The following ST3GAL5 variants were observed in gnomAD, a reference collection of about 807,000 sequenced individuals.
ST3GAL5 encodes ST3 beta-galactoside alpha-2,3-sialyltransferase 5, also known as lactosylceramide alpha-2,3-sialyltransferase.
A neutral mutation model predicts 46.1 loss-of-function variants in ST3GAL5; 25 were observed. The ratio of observed to expected loss-of-function variants is 0.54; its 90% confidence interval spans 0.40 to 0.76. The LOEUF is 0.76. Ranked by LOEUF, ST3GAL5 falls within the 30% of genes least tolerant of loss-of-function variation. The pLI is 0.00. For missense variants in ST3GAL5, 431 were observed against 521.2 expected (o/e 0.83, Z 1.69); for synonymous variants, 182 against 192.7 (o/e 0.94, Z 0.46).
chr2:85,850,604 T>G (rs1370899591), intron 3 of ST3GAL5: 1 of 152,262 alleles, frequency 6.6e-6, no homozygotes, highest in Non-Finnish European at 1.5e-5. Flanking sequence ...CTCAAAACCC[T>G]AGGCCCGAAG....
chr2:85,881,120 T>G (rs1363493622), intron 1 of ST3GAL5, among the ~76,000 whole-genome samples: 1 of 152,232 alleles, frequency 6.6e-6, no homozygotes, highest in Non-Finnish European at 1.5e-5. Context: ...TTATCAGGGG[T>G]TTCTGCTTTT....
intron 3 of ST3GAL5, 115 bp from the exon 4 acceptor site, chr2:85,848,319 T>A: frequency 6.2e-7 from 1 of 1,606,068 alleles, no homozygotes; most frequent in Non-Finnish European, 8.5e-7. Context: ...TTGATTACTG[T>A]CTTTTAACAC....
chr2:85,889,021 A>C (rs1688101225), upstream of ST3GAL5: 1 of 748,590 alleles, frequency 1.3e-6, no homozygotes, highest in African/African-American at 1.9e-5. Context: ...TCAGATGCGG[A>C]GGAGGGGCGC....
chr2:85,869,830 C>G (rs1685718300), intron 1 of ST3GAL5, among the ~76,000 whole-genome samples: 1 of 152,146 alleles, frequency 6.6e-6, no homozygotes, highest in South Asian at 2.1e-4. Context: ...AGAGGCCCCT[C>G]CCTTCAGAAG....
At chr2:85,847,156 A>G (rs1160781832) in intron 4 of ST3GAL5, among the ~76,000 whole-genome samples, 1 of 152,186 alleles carries the variant, frequency 6.6e-6, no homozygotes, top group East Asian at 1.9e-4. Context: ...ATTGGCTATC[A>G]TGGTGAGTCT....
chr2:85,845,074 C>T (rs574656858), intron 5 of ST3GAL5: 48 of 210,412 alleles, frequency 2.3e-4, no homozygotes, highest in Admixed American at 4.7e-4. Context: ...ATGGAGTTTA[C>T]GTGAAAAGTT....
chr2:85,846,507 A>T lies in ST3GAL5; in HGVS notation c.719T>A (p.Ile240Lys), dbSNP rs746167660. The change falls in exon 5 of 7, where the codon ATA becomes AAA. Residue 240 changes from isoleucine (I) to lysine (K), a missense_variant. Physicochemically the swap from Ile to Lys is moderately radical, Grantham distance 102 (BLOSUM62 -3). Coordinates refer to ENST00000638572, the MANE Select transcript of ST3GAL5 (RefSeq NM_003896.4). ...TGCGCCCTCTGGATAAGTCATCCTT[A>T]TAGTAGTTTTATTTCCAACATGTTC... ...YSEHVGNKTTIRMTYPEGAPL... is the reference protein window; with the variant it reads ...YSEHVGNKTTKRMTYPEGAPL... 16 of 1,614,096 alleles carry T rather than the reference A, an allele frequency of 9.9e-6. No homozygotes were observed. The highest frequency in any genetic ancestry group is 1.3e-5 in the African/African-American group (1 of 74,934).
At chr2:85,869,988 C>T (rs1477231817) in intron 1 of ST3GAL5, 4 of 345,922 alleles carry the variant, frequency 1.2e-5, no homozygotes, top group South Asian at 2.3e-5. Flanking sequence ...GTTAAGCAAA[C>T]GAGACCCTCT....
intron 3 of ST3GAL5, chr2:85,856,303 A>T (rs1226805794): frequency 6.6e-6 from 1 of 152,208 alleles, no homozygotes; most frequent in Non-Finnish European, 1.5e-5. Flanking sequence ...GTACCTTCAA[A>T]ACATTATCCT....
At chr2:85,875,005 GAACA>G (rs1440618333) in intron 1 of ST3GAL5, among the ~76,000 whole-genome samples, 2 of 152,056 alleles carry the variant, frequency 1.3e-5, no homozygotes, top group African/African-American at 4.8e-5. Context: ...GAGGCTAGGG[GAACA>G]ATATAAAATG....
At chr2:85,847,428 T>G in intron 4 of ST3GAL5, 1 of 1,010,938 alleles carries the variant, frequency 9.9e-7, no homozygotes, top group Non-Finnish European at 1.2e-6. Context: ...TATGACAGTT[T>G]GGAGCATCCA....
chr2:85,856,510 G>A (rs1292321361), intron 3 of ST3GAL5: 2 of 152,140 alleles, frequency 1.3e-5, no homozygotes, highest in Non-Finnish European at 2.9e-5. Context: ...TCATGGTGAT[G>A]GTTGCACAGT....
At chr2:85,867,755 G>C in intron 1 of ST3GAL5, 1 of 724,646 alleles carries the variant, frequency 1.4e-6, no homozygotes, top group Non-Finnish European at 2.6e-6. Flanking sequence ...GAAAATGCAA[G>C]AATTTGCCGA....
intron 6 of ST3GAL5, among the ~76,000 whole-genome samples, chr2:85,840,919 G>A (rs1681961791): frequency 7.9e-6 from 1 of 126,078 alleles, no homozygotes; most frequent in South Asian, 3.0e-4. Flanking sequence ...ACTCCACCCT[G>A]GCGACAGAGC....
At chr2:85,867,212 T>C (rs1356743497) in intron 1 of ST3GAL5, among the ~76,000 whole-genome samples, 2 of 152,194 alleles carry the variant, frequency 1.3e-5, no homozygotes, top group East Asian at 3.9e-4. Flanking sequence ...ACATGAATAC[T>C]CTACAGTCCT....
At chr2:85,846,633 T>C (rs1682823756) in intron 4 of ST3GAL5, 70 bp from the exon 5 acceptor site, 1 of 1,471,134 alleles carries the variant, frequency 6.8e-7, no homozygotes, top group Non-Finnish European at 9.5e-7. Flanking sequence ...CACCAGGCAG[T>C]ATCCATGTCA....
Position 85,844,426 on chromosome 2 carries a change from C to T in ST3GAL5, c.978G>A (p.Glu326=). 1 of 1,614,194 alleles carries T rather than the reference C, an allele frequency of 6.2e-7. No homozygotes were observed. Among genetic ancestry groups the T allele is most frequent in the Non-Finnish European group, 8.5e-7 (1 of 1,180,036 alleles). ...CTCGGCCCCAGAACCTTGACTGAGG[C>T]TCTGAGTACTGAAGGATGTCAAAGG... ...ETAFDILQYS[E]PQSRFWGRDK... Residue 326 remains glutamate, a synonymous_variant, in exon 6 of 7, where the codon GAG becomes GAA. Coordinates refer to ENST00000638572, the MANE Select transcript of ST3GAL5 (RefSeq NM_003896.4).
rs1206436189 is a variant in ST3GAL5 at position 85,837,311 on chromosome 2, A to G, written c.*2833T>C. 1 of 152,222 alleles carries G rather than the reference A, an allele frequency of 6.6e-6. No individual in the cohort carries two copies. The highest frequency in any genetic ancestry group is 6.5e-5 in the Admixed American group (1 of 15,280). The allele number at this position is 152,222 out of a possible 1,614,324, so 9.4% of individuals were successfully genotyped here. A position where few individuals can be genotyped will look rare whatever the true frequency, so the allele number is the denominator to read the frequency against. ...AGCAAGATGGATGGAACTGGAGGTG[A>G]TGTTAAGTGAAATAAGCCAAACACA... is the stretch of plus-strand genomic sequence containing the variant. On this transcript the variant is annotated 3_prime_UTR_variant, in exon 7 of 7. Coordinates refer to ENST00000638572, the MANE Select transcript of ST3GAL5 (RefSeq NM_003896.4).
Position 85,840,194 on chromosome 2 carries a change from T to C in ST3GAL5, c.1207A>G (p.Lys403Glu). 2 of 1,614,234 alleles carry C rather than the reference T, an allele frequency of 1.2e-6. No individual in the cohort carries two copies. The highest frequency in any genetic ancestry group is 2.2e-5 in the South Asian group (2 of 91,086). Residue 403 changes from lysine to glutamate, a missense_variant, in exon 7 of 7, where the codon AAA becomes GAA. Lys to Glu is a moderately conservative substitution (Grantham distance 56). Coordinates refer to ENST00000638572, the MANE Select transcript of ST3GAL5 (RefSeq NM_003896.4). ...TETKFLLKLV[K>E]EGVVKDLSGG... ...CTGAGATCTTTCACCACTCCCTCTT[T>C]GACCAGCTTTAAGAGGAACTTGGTT...
Sources: gnomAD v4.1 joint callset for allele counts (sites outside exome capture counted in the v4.1 genomes callset) on GRCh38, gnomAD v4.1.1 for gene constraint, MANE v1.5 for transcripts, NCBI Gene and HGNC (gene_info 2026-07-23, HGNC 2026-07-21) for gene names.